RSPO2: variants seen among roughly 807,000 people sequenced by gnomAD.
The protein encoded by RSPO2 is R-spondin 2, also known as R-spondin-2.
Under a neutral mutation model 30.9 loss-of-function variants are expected in RSPO2, and 14 were observed. The observed-to-expected ratio is 0.45, with a 90% CI of 0.30 to 0.71. The LOEUF (loss-of-function observed/expected upper bound fraction) is 0.71. Among genes scored for constraint, RSPO2 ranks in the 30% least tolerant of loss-of-function variants. The pLI is 0.08. For missense variants in RSPO2, 264 were observed against 301.9 expected (o/e 0.87, Z 0.93); for synonymous variants, 107 against 96.4 (o/e 1.11, Z -0.64).
intron 3 of RSPO2, among the ~76,000 whole-genome samples, chr8:107,978,938 C>A (rs1814320321): frequency 6.6e-6 from 1 of 152,304 alleles, no homozygotes; most frequent in East Asian, 1.9e-4. Context: ...AAATGCTCAT[C>A]ATCACTGGCC....
chr8:108,013,839 A>T (rs1810784797), intron 2 of RSPO2, among the ~76,000 whole-genome samples: 1 of 152,254 alleles, frequency 6.6e-6, no homozygotes, highest in African/African-American at 2.4e-5. Flanking sequence ...ACAAAAGCCA[A>T]ATTGACAAAT....
At chr8:107,995,143 G>T (rs1456913056) in intron 2 of RSPO2, among the ~76,000 whole-genome samples, 2 of 152,076 alleles carry the variant, frequency 1.3e-5, no homozygotes, top group Non-Finnish European at 2.9e-5. Flanking sequence ...TCTATTCTAG[G>T]ACTCTTTTCT....
intron 2 of RSPO2, among the ~76,000 whole-genome samples, chr8:108,012,970 C>T (rs1810755902): frequency 6.6e-6 from 1 of 152,148 alleles, no homozygotes; most frequent in Admixed American, 6.5e-5. Context: ...GGATCAGGCT[C>T]CCAATTCTTC....
At chr8:107,929,231 G>A (rs530117172) in intron 5 of RSPO2, among the ~76,000 whole-genome samples, 10 of 152,280 alleles carry the variant, frequency 6.6e-5, no homozygotes, top group African/African-American at 2.4e-4. Context: ...TGTTTTGAGA[G>A]GATAAGTAAC....
At chr8:107,953,473 C>T (rs1813319296) in intron 5 of RSPO2, among the ~76,000 whole-genome samples, 1 of 152,076 alleles carries the variant, frequency 6.6e-6, no homozygotes, top group Non-Finnish European at 1.5e-5. Context: ...CCAGTGATTC[C>T]AAATTGGAAG....
intron 2 of RSPO2, among the ~76,000 whole-genome samples, chr8:108,000,353 T>A (rs886873777): frequency 6.6e-6 from 1 of 152,124 alleles, no homozygotes; most frequent in African/African-American, 2.4e-5. Flanking sequence ...CAAAGCAGTG[T>A]CCCTTCAACA....
At chr8:107,973,555 C>T (rs1037362208) in intron 3 of RSPO2, among the ~76,000 whole-genome samples, 1 of 149,764 alleles carries the variant, frequency 6.7e-6, no homozygotes, top group Non-Finnish European at 1.5e-5. Context: ...CACACACACA[C>T]ACACACAGAA....
intron 2 of RSPO2, among the ~76,000 whole-genome samples, chr8:108,000,085 A>G (rs1310450983): frequency 6.6e-6 from 1 of 152,198 alleles, no homozygotes; most frequent in African/African-American, 2.4e-5. Context: ...ATACTTAATA[A>G]CTACGGTTCA....
At chr8:107,992,093 A>G (rs984808332) in intron 2 of RSPO2, among the ~76,000 whole-genome samples, 8 of 151,890 alleles carry the variant, frequency 5.3e-5, no homozygotes, top group African/African-American at 1.7e-4. Context: ...ACATATGTTC[A>G]TTGCAGCACT....
intron 5 of RSPO2, among the ~76,000 whole-genome samples, chr8:107,926,032 G>C (rs919845874): frequency 6.6e-6 from 1 of 152,114 alleles, no homozygotes; most frequent in Non-Finnish European, 1.5e-5. Flanking sequence ...CAATGTAAAA[G>C]TGTTCCTATT....
intron 2 of RSPO2, among the ~76,000 whole-genome samples, chr8:107,998,557 CCATTATAAG>C (rs1815106810): frequency 6.6e-6 from 1 of 152,008 alleles, no homozygotes; most frequent in Non-Finnish European, 1.5e-5. Context: ...TAGACCATCA[CCATTATAAG>C]CATCATGCCT....
chr8:108,082,511 G>A (rs775587127), intron 2 of RSPO2, 34 bp downstream of exon 2: 10 of 1,556,826 alleles, frequency 6.4e-6, no homozygotes, highest in Non-Finnish European at 8.0e-6. Context: ...CACCCCTGAA[G>A]CCCACCACGC....
At chr8:107,901,268 T>G in intron 5 of RSPO2, 78 bp from the exon 6 acceptor site, 1 of 1,488,588 alleles carries the variant, frequency 6.7e-7, no homozygotes, top group Non-Finnish European at 8.9e-7. Context: ...ATATTGGGAG[T>G]TTTGCACAAA....
At chr8:107,989,850 T>C (rs958094501) in intron 2 of RSPO2, among the ~76,000 whole-genome samples, 2 of 152,148 alleles carry the variant, frequency 1.3e-5, no homozygotes, top group African/African-American at 4.8e-5. Flanking sequence ...AATAAATAAA[T>C]ATAGAATTAC....
At chr8:108,000,534 G>GT (rs538349990) in intron 2 of RSPO2, among the ~76,000 whole-genome samples, 8,371 of 151,040 alleles carry the variant, frequency 0.055, 257 homozygotes, top group Admixed American at 0.074. Context: ...AGAGTTTTGT[G>GT]TTTTTTTTTT....
rs115200257 is a variant in RSPO2 at position 107,920,570 on chromosome 8, T to C, written c.617-19380A>G. Among the ~76,000 whole-genome samples the C allele has an allele frequency of 3.0e-3, 457 of 152,300 alleles. 2 individuals carry two copies. Among genetic ancestry groups the C allele is most frequent in the Middle Eastern group, 0.014 (4 of 294 alleles). On this transcript the variant is annotated intron_variant, in intron 5 of 5. Transcript: ENST00000276659. ...GGATTCAAGCATAAATCCCCTTCCA[T>C]ATTTATTCCATAAAACTGCATAAAT...
At chr8:108,060,299 G>T (rs537988849) in intron 2 of RSPO2, among the ~76,000 whole-genome samples, 8 of 151,936 alleles carry the variant, frequency 5.3e-5, no homozygotes, top group African/African-American at 1.5e-4. Context: ...AAGATTAGAC[G>T]AATGGAAAAC....
At chr8:108,050,698 G>A (rs1257877392) in intron 2 of RSPO2, among the ~76,000 whole-genome samples, 1 of 152,152 alleles carries the variant, frequency 6.6e-6, no homozygotes, top group South Asian at 2.1e-4. Flanking sequence ...CAGGGAAAAC[G>A]GCTGCCACTA....
intron 2 of RSPO2, among the ~76,000 whole-genome samples, chr8:108,064,116 T>C (rs1481913905): frequency 6.6e-6 from 1 of 152,152 alleles, no homozygotes; most frequent in African/African-American, 2.4e-5. Context: ...GACATAGGCA[T>C]GGGCAAGGAC....
Sources: gnomAD v4.1 joint callset for allele counts (sites outside exome capture counted in the v4.1 genomes callset) on GRCh38, gnomAD v4.1.1 for gene constraint, MANE v1.5 for transcripts, NCBI Gene and HGNC (gene_info 2026-07-23, HGNC 2026-07-21) for gene names.